The following CDH6 variants were observed in gnomAD, a reference collection of about 807,000 sequenced individuals.
The protein encoded by CDH6 is cadherin 6.
A neutral mutation model predicts 78.0 loss-of-function variants in CDH6; 31 were observed. The observed-to-expected ratio is 0.40, with a 90% CI of 0.30 to 0.54. CDH6 has a LOEUF of 0.54. CDH6 is among the 20% of genes least tolerant of loss of function. CDH6 has a pLI of 0.56. For missense variants in CDH6, 724 were observed against 975.9 expected (o/e 0.74, Z 3.44); for synonymous variants, 376 against 368.8 (o/e 1.02, Z -0.23).
chr5:31,194,504 G>C (rs1740107464), intron 1 of CDH6, among the ~76,000 whole-genome samples: 1 of 152,180 alleles, frequency 6.6e-6, no homozygotes, highest in African/African-American at 2.4e-5. Context: ...AAAGAAAACT[G>C]TTAGCTTGCA....
intron 1 of CDH6, among the ~76,000 whole-genome samples, chr5:31,235,279 C>T (rs1305760400): frequency 5.2e-5 from 7 of 135,306 alleles, no homozygotes; most frequent in Non-Finnish European, 1.1e-4. Flanking sequence ...CTTTCAAGCC[C>T]AAAGTTAGAA....
rs1222068098 is a variant in CDH6, at chr5:31,294,126, A to G, written c.393A>G (p.Ile131Met). ...KPVYILRAQA[I>M]NRRTGRPVEP... ...TTTACATCCTTCGAGCTCAAGCTAT[A>G]AACAGAAGGACAGGGAGACCCGTGG... Residue 131 changes from isoleucine to methionine, a missense_variant, in exon 3 of 12, where the codon ATA becomes ATG. By Grantham distance (10) the Ile-to-Met change is conservative (BLOSUM62 1). Around this residue, in one of 3 missense-constraint regions of CDH6, gnomAD observed 446 missense variants for 684.5 expected, o/e 0.65. Coordinates refer to ENST00000265071, the MANE Select transcript of CDH6 (RefSeq NM_004932.4). This position sits in a 1 kb window ranked among gnomAD's most constrained non-coding sequence, Gnocchi z 4.1. The G allele has an allele frequency of 6.2e-7, 1 of 1,613,870 alleles. No homozygotes were observed. The highest frequency in any genetic ancestry group is 1.3e-5 in the African/African-American group (1 of 74,874).
chr5:31,305,042 C>A, intron 6 of CDH6, 132 bp from the exon 7 acceptor site: 1 of 925,668 alleles, frequency 1.1e-6, no homozygotes, highest in Non-Finnish European at 1.7e-6. Context: ...CAATATCACA[C>A]AAATGTGTTT....
chr5:31,196,189 T>G (rs533987291), intron 1 of CDH6, among the ~76,000 whole-genome samples: 3 of 152,314 alleles, frequency 2.0e-5, no homozygotes, highest in African/African-American at 7.2e-5. Context: ...AAGGAAAAAC[T>G]TAGTGAGGCA....
intron 1 of CDH6, among the ~76,000 whole-genome samples, chr5:31,200,856 T>C (rs1459707000): frequency 6.6e-6 from 1 of 152,172 alleles, no homozygotes; most frequent in Non-Finnish European, 1.5e-5. Flanking sequence ...GTAGTTAATC[T>C]AGCCTTCAAG....
chr5:31,239,869 G>A (rs527605366), intron 1 of CDH6, among the ~76,000 whole-genome samples: 4 of 152,186 alleles, frequency 2.6e-5, no homozygotes, highest in African/African-American at 9.7e-5. Flanking sequence ...TCAGGGGATG[G>A]TCTACCCCTC....
intron 1 of CDH6, chr5:31,251,890 C>T (rs1191873330): frequency 1.3e-5 from 2 of 152,002 alleles, no homozygotes; most frequent in Non-Finnish European, 2.9e-5. Context: ...GTTCATATTC[C>T]AAAATGACAC....
Position 31,324,431 on chromosome 5 carries a change from A to G in CDH6, c.*1123A>G, listed in dbSNP as rs1738567112. On this transcript the variant is annotated 3_prime_UTR_variant, in exon 12 of 12. Transcript: ENST00000265071. ...CCTTGACATCTGGAAACCTCTACATATTTATATAACGTGATACATTTGGAT... is the reference window on the plus strand; with the variant it reads ...CCTTGACATCTGGAAACCTCTACATGTTTATATAACGTGATACATTTGGAT... The G allele has an allele frequency of 4.7e-6, 1 of 214,516 alleles. No individual in the cohort carries two copies. Among genetic ancestry groups the G allele is most frequent in the South Asian group, 1.9e-4 (1 of 5,364 alleles). The allele number at this position is 214,516 out of a possible 1,614,324, so 13.3% of individuals were successfully genotyped here. A position where few individuals can be genotyped will look rare whatever the true frequency, so the allele number is the denominator to read the frequency against.
At chr5:31,247,507 A>C (rs1029758446) in intron 1 of CDH6, among the ~76,000 whole-genome samples, 2 of 152,204 alleles carry the variant, frequency 1.3e-5, no homozygotes, top group Non-Finnish European at 2.9e-5. Flanking sequence ...CTTAGACAAG[A>C]AAACATCCAA....
intron 11 of CDH6, among the ~76,000 whole-genome samples, chr5:31,320,178 T>C (rs534793787): frequency 6.6e-5 from 10 of 152,328 alleles, no homozygotes; most frequent in African/African-American, 1.4e-4. Flanking sequence ...ATTTTCACTT[T>C]ATAAAAGTTA....
chr5:31,302,158 A>G lies in CDH6; in HGVS notation c.859A>G (p.Ile287Val). 1.2e-6 allele frequency: 2 copies of G among 1,614,030 alleles called. No homozygotes were observed. The highest frequency in any genetic ancestry group is 8.5e-7 in the Non-Finnish European group (1 of 1,179,930). ...TGAATCTTCTCCACCGGGGACACCA[A>G]TTGGCAGAATCAAAGCCAGCGACGC... ...TPESSPPGTP[I>V]GRIKASDADV... The change falls in exon 6 of 12, where the codon ATT (isoleucine) becomes GTT (valine). Residue 287 changes from isoleucine (I) to valine (V), a missense_variant. Ile to Val is a conservative substitution (Grantham distance 29, BLOSUM62 3). Transcript: ENST00000265071.
intron 3 of CDH6, among the ~76,000 whole-genome samples, chr5:31,295,262 T>TTTC (rs1337157699): frequency 6.6e-6 from 1 of 152,100 alleles, no homozygotes; most frequent in Admixed American, 6.6e-5. Context: ...AATTTTGTTT[T>TTTC]TTCTTCTTCT....
chr5:31,264,997 T>G (rs1742302977), intron 1 of CDH6, among the ~76,000 whole-genome samples: 1 of 152,230 alleles, frequency 6.6e-6, no homozygotes, highest in Non-Finnish European at 1.5e-5. Context: ...TTTAAACAGC[T>G]GACACCTCCA....
At position 31,317,733 on chromosome 5, in the gene CDH6, ATC is replaced by A; in HGVS notation, c.1695_1696del (p.Leu566AlafsTer26). The A allele has an allele frequency of 6.2e-7, 1 of 1,614,152 alleles. No individual in the cohort carries two copies. The highest frequency in any genetic ancestry group is 8.5e-7 in the Non-Finnish European group (1 of 1,180,012). ...TATAATAGACACGAGATGAGCACCT[ATC>A]TCTTGCCTGTGGTCATTTCAGACAA... is the stretch of plus-strand genomic sequence containing the variant. On this transcript the variant is annotated frameshift_variant, in exon 11 of 12. Coordinates refer to ENST00000265071, the MANE Select transcript of CDH6 (RefSeq NM_004932.4). LOFTEE classifies it high-confidence loss of function.
rs151043213 is a variant in CDH6, at chr5:31,328,175, C to CTTTT, written c.*4885_*4888dup. 0.011 allele frequency: 1,362 copies of CTTTT among 122,070 alleles called. 52 individuals carry two copies. The highest frequency in any genetic ancestry group is 0.047 in the African/African-American group (1,299 of 27,870). 7.6% of individuals were successfully genotyped at this position (122,070 alleles called of 1,614,324 possible). ...AGAGCTTTTACAAGTTGCTTAATTC[C>CTTTT]TTTTTTTTTTTTTTTTTTTTTCAAA... On this transcript the variant is annotated 3_prime_UTR_variant, in exon 12 of 12. Coordinates refer to ENST00000265071, the MANE Select transcript of CDH6 (RefSeq NM_004932.4).
chr5:31,224,961 T>A lies in CDH6; in HGVS notation c.-129+31075T>A, dbSNP rs4463190. ...TAAAGCAATGGTTGTCAACTACAGG[T>A]GATTTTGCTCCCCAGGGAACATTTG... On this transcript the variant is annotated intron_variant, in intron 1 of 11. Coordinates refer to ENST00000265071, the MANE Select transcript of CDH6 (RefSeq NM_004932.4). Among the ~76,000 whole-genome samples, 9 of 152,064 alleles carry A rather than the reference T, an allele frequency of 5.9e-5. No homozygotes were observed. In the East Asian group the frequency reaches 7.7e-4, roughly 13 times the overall value.
intron 1 of CDH6, among the ~76,000 whole-genome samples, chr5:31,205,043 G>C (rs1034104346): frequency 6.6e-6 from 1 of 152,172 alleles, no homozygotes; most frequent in African/African-American, 2.4e-5. Context: ...GATAAATCCA[G>C]GTTGGGGGAG....
At chr5:31,260,726 T>C (rs1312675380) in intron 1 of CDH6, among the ~76,000 whole-genome samples, 1 of 152,216 alleles carries the variant, frequency 6.6e-6, no homozygotes, top group East Asian at 1.9e-4. Context: ...CTTGCCATAA[T>C]GATTCATTGG....
rs1026703856 is a variant in CDH6 at position 31,329,112 on chromosome 5, A to T, written c.*5804A>T. 3 of 193,990 alleles carry T rather than the reference A, an allele frequency of 1.5e-5. No homozygotes were observed. Among genetic ancestry groups the T allele is most frequent in the Non-Finnish European group, 3.2e-5 (3 of 93,302 alleles). The allele number at this position is 193,990 out of a possible 1,614,324, so 12.0% of individuals were successfully genotyped here. On this transcript the variant is annotated 3_prime_UTR_variant, in exon 12 of 12. Coordinates refer to ENST00000265071, the MANE Select transcript of CDH6 (RefSeq NM_004932.4). Reference sequence around the variant, plus strand: ...AATCAATTTTTGTAACAAGTTATTTATATGATATTACTTAATAAACTGGTT... The same window carrying T: ...AATCAATTTTTGTAACAAGTTATTTTTATGATATTACTTAATAAACTGGTT...
Sources: gnomAD v4.1 joint callset for allele counts (sites outside exome capture counted in the v4.1 genomes callset) on GRCh38, gnomAD v4.1.1 for gene constraint, gnomAD v4.1.1 regional missense constraint, Gnocchi (gnomAD v3.1) non-coding constraint, MANE v1.5 for transcripts, NCBI Gene and HGNC (gene_info 2026-07-23, HGNC 2026-07-21) for gene names.